Variants in SLC35F4 observed in about 807,000 individuals in gnomAD.
The protein encoded by SLC35F4 is chromosome 14 open reading frame 36.
In SLC35F4, 24 loss-of-function variants were observed where a neutral mutation model predicts 44.2. The observed-to-expected ratio is 0.54, with a 90% confidence interval of 0.39 to 0.76. SLC35F4 has a LOEUF of 0.76. Among genes scored for constraint, SLC35F4 ranks in the 30% least tolerant of loss-of-function variants. The pLI, the probability that SLC35F4 is intolerant of heterozygous loss-of-function variation, is 0.00. For synonymous variants in SLC35F4, 238 were observed against 223.6 expected, an observed-to-expected ratio of 1.06 and a Z score of -0.57; for missense variants, 562 against 586.1, an observed-to-expected ratio of 0.96 and a Z score of 0.42.
chr14:57,831,084 C>G (rs1162294180), intron 1 of SLC35F4, among the ~76,000 whole-genome samples: 1 of 152,128 alleles, frequency 6.6e-6, no homozygotes. Context: ...TCACTGTGTT[C>G]CCATTTCTGT....
chr14:57,825,182 C>T (rs1883597460), intron 1 of SLC35F4, among the ~76,000 whole-genome samples: 1 of 152,068 alleles, frequency 6.6e-6, no homozygotes, highest in South Asian at 2.1e-4. Flanking sequence ...CTGCCATTTA[C>T]AGACAAGGAG....
At chr14:57,973,256 A>T (rs149904937), downstream of SLC35F4, among the ~76,000 whole-genome samples, 6 of 152,310 alleles carry the variant, frequency 3.9e-5, no homozygotes, top group East Asian at 9.6e-4. Flanking sequence ...GTGGGTAATT[A>T]TATGGGAATA....
intron 1 of SLC35F4, among the ~76,000 whole-genome samples, chr14:57,653,058 C>T (rs2073842611): frequency 6.6e-6 from 1 of 152,212 alleles, no homozygotes; most frequent in African/African-American, 2.4e-5. Flanking sequence ...CTGCAGAAGC[C>T]TTTGCCTTCA....
At chr14:57,574,772 G>A (rs377232779) in intron 4 of SLC35F4, among the ~76,000 whole-genome samples, 5 of 152,074 alleles carry the variant, frequency 3.3e-5, no homozygotes, top group African/African-American at 1.2e-4. Context: ...GCTCTGCTTG[G>A]CACCACTGGT....
At chr14:57,753,326 G>A (rs2076928254) in intron 1 of SLC35F4, among the ~76,000 whole-genome samples, 1 of 152,174 alleles carries the variant, frequency 6.6e-6, no homozygotes, top group African/African-American at 2.4e-5. Context: ...CCTCTGGGTT[G>A]GATTCCCCAA....
At chr14:57,689,895 A>C (rs1160815102) in intron 1 of SLC35F4, among the ~76,000 whole-genome samples, 5 of 152,174 alleles carry the variant, frequency 3.3e-5, no homozygotes, top group Non-Finnish European at 7.3e-5. Context: ...ATAAAAAATA[A>C]AAATAAAAAA....
chr14:57,968,222 T>C (rs1190718362), intron 1 of SLC35F4, among the ~76,000 whole-genome samples: 1 of 152,240 alleles, frequency 6.6e-6, no homozygotes, highest in Non-Finnish European at 1.5e-5. Context: ...CACTCTTCCC[T>C]TTAAAAAGTT....
At chr14:57,663,437 A>T (rs779180043) in intron 1 of SLC35F4, among the ~76,000 whole-genome samples, 5 of 152,144 alleles carry the variant, frequency 3.3e-5, no homozygotes, top group Non-Finnish European at 4.4e-5. Flanking sequence ...CTTACCTAGA[A>T]TTATCCTACT....
intron 1 of SLC35F4, among the ~76,000 whole-genome samples, chr14:57,660,809 C>G (rs1183186060): frequency 1.3e-5 from 2 of 152,052 alleles, no homozygotes; most frequent in Admixed American, 6.6e-5. Flanking sequence ...TCTAGTCAAG[C>G]CTTCAAACAT....
chr14:57,838,047 T>A (rs761643546), intron 1 of SLC35F4, among the ~76,000 whole-genome samples: 5 of 152,196 alleles, frequency 3.3e-5, no homozygotes, highest in Non-Finnish European at 7.3e-5. Flanking sequence ...ATAGGTAAAG[T>A]ACTATGCTTA....
chr14:57,600,667 G>T (rs2070763029), intron 1 of SLC35F4, among the ~76,000 whole-genome samples: 1 of 110,274 alleles, frequency 9.1e-6, no homozygotes, highest in Admixed American at 1.2e-4. Flanking sequence ...ACTCCAGCCT[G>T]GGCGACAGAG....
rs147723357 is a variant in SLC35F4 at position 57,937,411 on chromosome 14, A to G, written n.282+44502T>C. Among the ~76,000 whole-genome samples the G allele has an allele frequency of 4.5e-4, 69 of 152,220 alleles. 1 individual carries two copies. Among genetic ancestry groups the G allele is most frequent in the Middle Eastern group, 3.4e-3 (1 of 294 alleles). On this transcript the variant is annotated intron_variant and non_coding_transcript_variant, in intron 1 of 1. Coordinates refer to the SLC35F4 transcript ENST00000556568. ...GTAGCTGCCTTGATCTAGTCACAGT[A>G]GTCTCATTGTATATAGATTACTATA... is the stretch of plus-strand genomic sequence containing the variant.
upstream of SLC35F4, among the ~76,000 whole-genome samples, chr14:57,870,301 G>C (rs2141026592): frequency 6.6e-6 from 1 of 151,864 alleles, no homozygotes; most frequent in East Asian, 1.9e-4. Flanking sequence ...GCATTATACT[G>C]TACTCGGCAG....
intron 1 of SLC35F4, among the ~76,000 whole-genome samples, chr14:57,872,249 AT>A (rs1888309004): frequency 6.6e-6 from 1 of 152,184 alleles, no homozygotes; most frequent in South Asian, 2.1e-4. Context: ...TTATTTCATC[AT>A]TATTTTCAGT....
At chr14:57,676,557 C>T (rs1386144134) in intron 1 of SLC35F4, among the ~76,000 whole-genome samples, 1 of 152,034 alleles carries the variant, frequency 6.6e-6, no homozygotes, top group Non-Finnish European at 1.5e-5. Context: ...ACATCCTGCA[C>T]ATGTATCCTG....
intron 1 of SLC35F4, among the ~76,000 whole-genome samples, chr14:57,925,741 C>T (rs1889557202): frequency 6.6e-6 from 1 of 151,278 alleles, no homozygotes; most frequent in African/African-American, 2.4e-5. Context: ...CCTGAGTTGG[C>T]TTGTTATTAT....
At chr14:57,826,256 A>G (rs1883750898) in intron 1 of SLC35F4, among the ~76,000 whole-genome samples, 1 of 152,226 alleles carries the variant, frequency 6.6e-6, no homozygotes, top group Non-Finnish European at 1.5e-5. Flanking sequence ...AAAGCAAGCA[A>G]TGGGGAAAGG....
intron 1 of SLC35F4, among the ~76,000 whole-genome samples, chr14:57,791,273 T>A (rs2077910741): frequency 6.6e-6 from 1 of 151,982 alleles, no homozygotes. Flanking sequence ...ACAGGGAAGT[T>A]AAACAAATTT....
In SLC35F4 at chr14:57,594,136, G is replaced by A. The variant is rs779536864; in HGVS notation, c.104-12C>T. The A allele has an allele frequency of 2.0e-6, 3 of 1,525,758 alleles. No individual in the cohort carries two copies. The highest frequency in any genetic ancestry group is 2.7e-6 in the Non-Finnish European group (3 of 1,116,706). The allele number at this position is 1,525,758 out of a possible 1,614,324, so 94.5% of individuals were successfully genotyped here. On this transcript the variant is annotated splice_polypyrimidine_tract_variant and intron_variant, in intron 1 of 7. Transcript: ENST00000556826. Reference sequence around the variant, plus strand: ...TGATCTGGAGGTACCTGGAAAGACAGAGTTCACGCCAGTTTGAGAACTGCC... The same window carrying A: ...TGATCTGGAGGTACCTGGAAAGACAAAGTTCACGCCAGTTTGAGAACTGCC...
Sources: gnomAD v4.1 joint callset for allele counts (sites outside exome capture counted in the v4.1 genomes callset) on GRCh38, gnomAD v4.1.1 for gene constraint, MANE v1.5 for transcripts, NCBI Gene and HGNC (gene_info 2026-07-23, HGNC 2026-07-21) for gene names.